USP34: variants seen among roughly 807,000 people sequenced by gnomAD.
USP34 encodes the protein ubiquitin specific peptidase 34, also known as ubiquitin carboxyl-terminal hydrolase 34.
In USP34, 70 loss-of-function variants were observed where a neutral mutation model predicts 460.3. That is an observed-to-expected ratio of 0.15 (90% CI 0.13 to 0.19). USP34 has a LOEUF of 0.19. Ranked by LOEUF, USP34 falls within the 10% of genes least tolerant of loss-of-function variation. The pLI is 1.00. For missense variants in USP34, 3,985 were observed against 4,236.2 expected (o/e 0.94, Z 1.65); for synonymous variants, 1,647 against 1,405.3 (o/e 1.17, Z -3.85).
At chr2:61,456,554 C>A (rs1695446311) in intron 1 of USP34, among the ~76,000 whole-genome samples, 1 of 152,140 alleles carries the variant, frequency 6.6e-6, no homozygotes, top group African/African-American at 2.4e-5. Flanking sequence ...CAGTGGCTCA[C>A]ACTTGCAATC....
chr2:61,200,003 G>C (rs1055856539), intron 75 of USP34: 4 of 152,358 alleles, frequency 2.6e-5, no homozygotes, highest in Non-Finnish European at 5.9e-5. Context: ...AGCAGTGCCA[G>C]TCCCTCTTAC....
At chr2:61,419,698 C>A (rs1434837636) in intron 2 of USP34, among the ~76,000 whole-genome samples, 1 of 152,018 alleles carries the variant, frequency 6.6e-6, no homozygotes, top group Non-Finnish European at 1.5e-5. Context: ...ATGTTGCCAC[C>A]TAGCTGTAGT....
chr2:61,199,406 C>T (rs1260369388), intron 75 of USP34, among the ~76,000 whole-genome samples: 1 of 152,146 alleles, frequency 6.6e-6, no homozygotes, highest in Non-Finnish European at 1.5e-5. Flanking sequence ...CAAGTGCCCG[C>T]CACCACGCCC....
chr2:61,197,377 C>T lies in USP34; in HGVS notation c.9509-4397G>A, dbSNP rs149157517. Among the ~76,000 whole-genome samples, 10 of 152,224 alleles carry T rather than the reference C, an allele frequency of 6.6e-5. No homozygotes were observed. The East Asian group carries it at 1.5e-3, about 23-fold the overall frequency. ...GAGCCATCGTTTTATCCTAATTTTG[C>T]GCTTCTTTTGGATGAGGAAATTAGG... On this transcript the variant is annotated intron_variant, in intron 75 of 79. Coordinates refer to ENST00000398571, the MANE Select transcript of USP34 (RefSeq NM_014709.4).
chr2:61,411,405 C>A (rs1049393999), intron 2 of USP34, among the ~76,000 whole-genome samples: 2 of 150,452 alleles, frequency 1.3e-5, no homozygotes, highest in Non-Finnish European at 3.0e-5. Context: ...GAAAAAAAAA[C>A]TGAAAGCAAG....
intron 41 of USP34, among the ~76,000 whole-genome samples, chr2:61,275,254 G>C (rs1395519283): frequency 1.3e-5 from 2 of 152,078 alleles, no homozygotes; most frequent in Admixed American, 6.6e-5. Context: ...AGTCCAGCCT[G>C]GGTGACAGAG....
At chr2:61,218,241 G>A (rs1247697343) in intron 67 of USP34, among the ~76,000 whole-genome samples, 2 of 145,956 alleles carry the variant, frequency 1.4e-5, no homozygotes, top group South Asian at 2.2e-4. Flanking sequence ...TGTTAAGAGC[G>A]CACAGCTCTC....
At chr2:61,396,872 T>C (rs769659055) in intron 3 of USP34, among the ~76,000 whole-genome samples, 14 of 152,172 alleles carry the variant, frequency 9.2e-5, no homozygotes, top group Non-Finnish European at 1.6e-4. Context: ...AAAGTGATGA[T>C]GGCTGCACAA....
intron 3 of USP34, among the ~76,000 whole-genome samples, chr2:61,395,617 T>C (rs1417872282): frequency 5.5e-5 from 8 of 144,648 alleles, no homozygotes; most frequent in Non-Finnish European, 8.9e-5. Context: ...AAACCCCGTC[T>C]CTACTAAAAA....
At chr2:61,211,293 G>T (rs970214407) in intron 69 of USP34, among the ~76,000 whole-genome samples, 1 of 152,200 alleles carries the variant, frequency 6.6e-6, no homozygotes, top group Non-Finnish European at 1.5e-5. Flanking sequence ...AGGGTAATTT[G>T]TAGTAGTTCC....
At chr2:61,254,434 C>G (rs921747165) in intron 48 of USP34, among the ~76,000 whole-genome samples, 1 of 152,156 alleles carries the variant, frequency 6.6e-6, no homozygotes, top group South Asian at 2.1e-4. Flanking sequence ...ATCGTGTTAC[C>G]AATCTTGTTT....
chr2:61,244,822 T>C (rs1688377792), intron 51 of USP34, among the ~76,000 whole-genome samples: 1 of 152,098 alleles, frequency 6.6e-6, no homozygotes. Flanking sequence ...GGTAGCCTCT[T>C]GAGCCACAGT....
At chr2:61,466,889 T>A (rs1485240460) in intron 1 of USP34, among the ~76,000 whole-genome samples, 3 of 146,154 alleles carry the variant, frequency 2.1e-5, no homozygotes, top group African/African-American at 7.6e-5. Flanking sequence ...GGGTGAGAGT[T>A]AGACTCCGTG....
At chr2:61,307,205 T>A (rs1325762572) in intron 27 of USP34, among the ~76,000 whole-genome samples, 4 of 150,636 alleles carry the variant, frequency 2.7e-5, no homozygotes, top group Non-Finnish European at 5.9e-5. Flanking sequence ...CTCAGCAAAC[T>A]ATCACAAGGA....
In USP34 at chr2:61,281,132, T is replaced by C; in HGVS notation, c.5109A>G (p.Leu1703=). ...RSFLLLAAST[L]LKFLPDAQAL... is the part of the protein sequence containing the mutation. ...CTTGAGCATCAGGAAGAAATTTCAA[T>C]AATGTTGAGGCAGCCAATAGCAGAA... Residue 1703 remains leucine, a synonymous_variant, in exon 38 of 80, where the codon TTA becomes TTG. Transcript: ENST00000398571. 2 of 1,613,874 alleles carry C rather than the reference T, an allele frequency of 1.2e-6. No individual in the cohort carries two copies. The highest frequency in any genetic ancestry group is 1.7e-6 in the Non-Finnish European group (2 of 1,179,886).
chr2:61,298,218 T>TA, intron 29 of USP34, among the ~76,000 whole-genome samples: 1 of 151,476 alleles, frequency 6.6e-6, no homozygotes, highest in Admixed American at 6.6e-5. Context: ...CTGCCAAAAA[T>TA]AAGATTCAAT....
In USP34 at chr2:61,319,436, T is replaced by G. The variant is rs181642512; in HGVS notation, c.3014-109A>C. ...GTCCTCACTTAACACAGATAGGTTCTTGGAAATTGCAATTTTAATTGAAAT... is the reference window on the plus strand; with the variant it reads ...GTCCTCACTTAACACAGATAGGTTCGTGGAAATTGCAATTTTAATTGAAAT... On this transcript the variant is annotated intron_variant, in intron 21 of 79. Transcript: ENST00000398571. The G allele has an allele frequency of 8.9e-6, 6 of 676,018 alleles. No individual in the cohort carries two copies. In the East Asian group the frequency reaches 2.0e-4, roughly 23 times the overall value. 41.9% of individuals were successfully genotyped at this position (676,018 alleles called of 1,614,324 possible).
chr2:61,214,470 A>G lies in USP34; in HGVS notation c.8272T>C (p.Phe2758Leu). The G allele has an allele frequency of 6.2e-7, 1 of 1,614,168 alleles. No homozygotes were observed. Among genetic ancestry groups the G allele is most frequent in the East Asian group, 2.2e-5 (1 of 44,888 alleles). ...GTTKLVPYFS[F>L]MTYCLISKTE... is the part of the protein sequence containing the mutation. The stretch of plus-strand genomic sequence containing the variant: ...TTGGAAATTAAACAGTAAGTCATAA[A>G]GCTAAAATAGGGCACTAGCTTTGTA... The change falls in exon 68 of 80, where the codon TTT (phenylalanine) becomes CTT (leucine). Residue 2758 changes from phenylalanine to leucine, a missense_variant. By Grantham distance (22) the Phe-to-Leu change is conservative. Transcript: ENST00000398571.
intron 51 of USP34, among the ~76,000 whole-genome samples, chr2:61,242,997 C>T (rs980173612): frequency 1.3e-5 from 2 of 151,958 alleles, no homozygotes; most frequent in African/African-American, 4.8e-5. Flanking sequence ...TGCCCGCTAT[C>T]AAACCTGGCT....
Sources: gnomAD v4.1 joint callset for allele counts (sites outside exome capture counted in the v4.1 genomes callset) on GRCh38, gnomAD v4.1.1 for gene constraint, MANE v1.5 for transcripts, NCBI Gene and HGNC (gene_info 2026-07-23, HGNC 2026-07-21) for gene names.